Variants in SRD5A2 observed in about 807,000 individuals in gnomAD.
SRD5A2 encodes steroid 5 alpha-reductase 2.
A neutral mutation model predicts 27.4 loss-of-function variants in SRD5A2; 30 were observed. The ratio of observed to expected loss-of-function variants is 1.10; its 90% confidence interval spans 0.82 to 1.49. The LOEUF (loss-of-function observed/expected upper bound fraction) is 1.49, where lower values mean the gene tolerates loss of function less well. SRD5A2 is among the 40% of genes most tolerant of loss of function. The probability of loss-of-function intolerance (pLI) is 0.00; values close to 1 mark genes in which losing one functional copy is unlikely to be tolerated. For missense variants in SRD5A2, 348 were observed against 323.4 expected, an observed-to-expected ratio of 1.08 and a Z score of -0.58; for synonymous variants, 141 against 133.6, an observed-to-expected ratio of 1.06 and a Z score of -0.38.
chr2:31,649,064 T>C, the SRD5A2 span, among the ~76,000 whole-genome samples: 1 of 152,202 alleles, frequency 6.6e-6, no homozygotes, highest in Non-Finnish European at 1.5e-5. Flanking sequence ...AGAGGGACTA[T>C]GTACTTACCT....
chr2:31,581,687 G>A (rs556681473), upstream of SRD5A2, among the ~76,000 whole-genome samples: 1 of 152,152 alleles, frequency 6.6e-6, no homozygotes, highest in Admixed American at 6.5e-5. Flanking sequence ...GAGATTCTGC[G>A]CGTCCTCTCC....
At chr2:31,567,452 G>GTATA (rs753337903) in intron 1 of SRD5A2, among the ~76,000 whole-genome samples, 14 of 74,724 alleles carry the variant, frequency 1.9e-4, no homozygotes, top group Admixed American at 5.6e-4. Flanking sequence ...GTGTGTGTGT[G>GTATA]TGTGTATATA....
the SRD5A2 span, among the ~76,000 whole-genome samples, chr2:31,586,467 A>C: frequency 6.6e-6 from 1 of 152,218 alleles, no homozygotes; most frequent in Admixed American, 6.5e-5. Context: ...GCTGGCTTCA[A>C]GTCTGGCTGA....
chr2:31,600,548 A>G, the SRD5A2 span, among the ~76,000 whole-genome samples: 2 of 151,952 alleles, frequency 1.3e-5, no homozygotes, highest in Non-Finnish European at 2.9e-5. Context: ...GTGAGATGGT[A>G]TCTCGTTTTG....
the SRD5A2 span, among the ~76,000 whole-genome samples, chr2:31,639,624 C>T: frequency 4.6e-5 from 7 of 151,964 alleles, no homozygotes; most frequent in Admixed American, 4.6e-4. Flanking sequence ...CCATTTCTCA[C>T]ATGGCAGTTA....
chr2:31,562,623 A>C (rs1454856402), intron 1 of SRD5A2, among the ~76,000 whole-genome samples: 1 of 152,180 alleles, frequency 6.6e-6, no homozygotes, highest in Non-Finnish European at 1.5e-5. Flanking sequence ...ACCTACATTT[A>C]AATATTGTCC....
chr2:31,584,891 A>G (rs932343479), upstream of SRD5A2, among the ~76,000 whole-genome samples: 1 of 152,220 alleles, frequency 6.6e-6, no homozygotes, highest in African/African-American at 2.4e-5. Context: ...TTGCTGAAAA[A>G]GGCACTGAAA....
upstream of SRD5A2, among the ~76,000 whole-genome samples, chr2:31,585,107 C>T (rs1415846898): frequency 2.6e-5 from 4 of 152,226 alleles, no homozygotes; most frequent in Non-Finnish European, 2.9e-5. Context: ...AGCATTCAAA[C>T]CAGTCCCAGC....
At chr2:31,632,150 A>C in the SRD5A2 span, among the ~76,000 whole-genome samples, 1 of 152,126 alleles carries the variant, frequency 6.6e-6, no homozygotes, top group Non-Finnish European at 1.5e-5. Flanking sequence ...GTCCAGAGCA[A>C]AACTTAGAAA....
the SRD5A2 span, among the ~76,000 whole-genome samples, chr2:31,647,106 C>A: frequency 6.6e-6 from 1 of 152,080 alleles, no homozygotes; most frequent in African/African-American, 2.4e-5. Flanking sequence ...GATCACACCA[C>A]TGCACTCCAG....
chr2:31,561,723 A>G (rs2300698), intron 1 of SRD5A2, among the ~76,000 whole-genome samples: 92,565 of 151,836 alleles, frequency 0.61, 28,691 homozygotes, highest in African/African-American at 0.71. Context: ...AGGATTCCCC[A>G]GAATGATAGA....
At chr2:31,568,882 C>T (rs934246170) in intron 1 of SRD5A2, among the ~76,000 whole-genome samples, 2 of 152,258 alleles carry the variant, frequency 1.3e-5, no homozygotes, top group African/African-American at 4.8e-5. Flanking sequence ...CCGCCCTGAG[C>T]TTGCACATGC....
chr2:31,661,449 C>T, the SRD5A2 span, among the ~76,000 whole-genome samples: 2 of 152,132 alleles, frequency 1.3e-5, no homozygotes, highest in African/African-American at 2.4e-5. Context: ...GTAAACAAAC[C>T]TGTCCTGTGC....
upstream of SRD5A2, chr2:31,581,027 T>TG: frequency 9.5e-7 from 1 of 1,051,596 alleles, no homozygotes. Flanking sequence ...CCCTCCATCC[T>TG]GCCTCCCACC....
rs1311923499 is a variant in SRD5A2 at position 31,531,304 on chromosome 2, ACCATAGCATCAT to A, written c.547+55_547+66del. The A allele has an allele frequency of 5.0e-6, 6 of 1,191,256 alleles. No homozygotes were observed. The East Asian group carries it at 7.6e-5, about 15-fold the overall frequency. The allele number at this position is 1,191,256 out of a possible 1,614,324, so 73.8% of individuals were successfully genotyped here. On this transcript the variant is annotated intron_variant, in intron 3 of 4. Transcript: ENST00000622030. ...CCTCACTGTCCCCTCTCCATCTGCTACCATAGCATCATCCCTGGGACAGGCTCCAGGGAAGAG... is the reference window on the plus strand; with the variant it reads ...CCTCACTGTCCCCTCTCCATCTGCTACCCTGGGACAGGCTCCAGGGAAGAG...
At chr2:31,554,493 T>C (rs1666451831) in intron 1 of SRD5A2, among the ~76,000 whole-genome samples, 1 of 152,170 alleles carries the variant, frequency 6.6e-6, no homozygotes. Flanking sequence ...CCTGTGGTAT[T>C]GGATATCCCC....
At chr2:31,531,249 G>C (rs1665899619) in intron 3 of SRD5A2, 122 bp downstream of exon 3, 2 of 664,296 alleles carry the variant, frequency 3.0e-6, no homozygotes, top group East Asian at 2.8e-5. Flanking sequence ...GAAGTCAAGA[G>C]CAAGCTGAGA....
intron 1 of SRD5A2, among the ~76,000 whole-genome samples, chr2:31,543,309 C>A (rs1666176278): frequency 6.6e-6 from 1 of 151,992 alleles, no homozygotes; most frequent in South Asian, 2.1e-4. Flanking sequence ...GGGAGTCCTG[C>A]AGGTTAAAAT....
chr2:31,575,443 C>T (rs193183006), intron 1 of SRD5A2, among the ~76,000 whole-genome samples: 12 of 152,254 alleles, frequency 7.9e-5, no homozygotes, highest in Admixed American at 1.3e-4. Context: ...AATGCCTCAT[C>T]GAAAGCCACA....
Sources: allele counts gnomAD v4.1 joint callset (sites outside exome capture counted in the v4.1 genomes callset), GRCh38; gene constraint gnomAD v4.1.1; transcripts MANE v1.5; gene names NCBI Gene and HGNC (gene_info 2026-07-23, HGNC 2026-07-21).